Variants in PADI1 observed in about 807,000 individuals in gnomAD.
The protein encoded by PADI1 is peptidyl arginine deiminase 1.
A neutral mutation model predicts 74.8 loss-of-function variants in PADI1; 65 were observed. The ratio of observed to expected loss-of-function variants is 0.87; its 90% confidence interval spans 0.71 to 1.07. The LOEUF is 1.07. Among genes scored for constraint, PADI1 ranks in the 50% least tolerant of loss-of-function variants. The pLI is 0.00. For missense variants in PADI1, 943 were observed against 854.0 expected (o/e 1.10, Z -1.30); for synonymous variants, 371 against 336.2 (o/e 1.10, Z -1.13).
intron 4 of PADI1, among the ~76,000 whole-genome samples, chr1:17,225,482 C>T (rs985094157): frequency 2.0e-5 from 3 of 151,982 alleles, no homozygotes; most frequent in Non-Finnish European, 2.9e-5. Context: ...GCAGCCTCTG[C>T]CCACCCCCGC....
intron 1 of PADI1, among the ~76,000 whole-genome samples, chr1:17,207,389 T>C (rs1470832696): frequency 6.6e-6 from 1 of 152,214 alleles, no homozygotes; most frequent in Non-Finnish European, 1.5e-5. Flanking sequence ...TGGCTGGAGC[T>C]GCACTTCCGA....
At chr1:17,224,493 G>A (rs2072255069) in intron 4 of PADI1, 65 bp downstream of exon 4, 18 of 1,211,274 alleles carry the variant, frequency 1.5e-5, no homozygotes, top group East Asian at 4.9e-5. Flanking sequence ...GGTCCCGGGT[G>A]GATTGTGCCC....
chr1:17,225,957 G>A (rs528441261), intron 5 of PADI1, 29 bp downstream of exon 5: 1 of 1,612,050 alleles, frequency 6.2e-7, no homozygotes, highest in East Asian at 2.2e-5. Context: ...TGTCTGGGGA[G>A]TGGGGAAGGG....
At chr1:17,220,154 C>A (rs939671437) in intron 1 of PADI1, among the ~76,000 whole-genome samples, 2 of 37,706 alleles carry the variant, frequency 5.3e-5, no homozygotes, top group African/African-American at 2.5e-4. Flanking sequence ...GTCTTGCCAG[C>A]AGCCTGCAGG....
In PADI1 at chr1:17,244,714, T is replaced by C. The variant is rs1313717989; in HGVS notation, c.*471T>C. On this transcript the variant is annotated 3_prime_UTR_variant, in exon 16 of 16. Transcript: ENST00000375471. ...AAACTAGGAAAGGGGATCAGAAACA[T>C]CCTCTCCCCGCTCTAGGTTTCTTCT... 2.9e-6 allele frequency: 1 copy of C among 348,006 alleles called. No individual in the cohort carries two copies. Among genetic ancestry groups the C allele is most frequent in the African/African-American group, 2.1e-5 (1 of 46,526 alleles). 21.6% of individuals were successfully genotyped at this position (348,006 alleles called of 1,614,324 possible).
chr1:17,224,299 C>A lies in PADI1; in HGVS notation c.347-68C>A, dbSNP rs2100455695. ...TGGGGAGGGGTCAGAGTTTGCCCAA[C>A]CTGGACTTTAGGGGTGTGAAGATGG... On this transcript the variant is annotated intron_variant, in intron 3 of 15. Transcript: ENST00000375471. 4 of 1,426,192 alleles carry A rather than the reference C, an allele frequency of 2.8e-6. No individual in the cohort carries two copies. In the South Asian group the frequency reaches 4.7e-5, roughly 17 times the overall value. The allele number at this position is 1,426,192 out of a possible 1,614,324, so 88.3% of individuals were successfully genotyped here. A position where few individuals can be genotyped will look rare whatever the true frequency, so the allele number is the denominator to read the frequency against.
At chr1:17,227,562 TAAATAAATAA>T (rs771802362) in intron 6 of PADI1, among the ~76,000 whole-genome samples, 1 of 151,416 alleles carries the variant, frequency 6.6e-6, no homozygotes, top group South Asian at 2.1e-4. Context: ...AATAAATAAA[TAAATAAATAA>T]ATAAATAAAT....
At chr1:17,205,456 G>A in intron 1 of PADI1, 147 bp downstream of exon 1, 1 of 694,904 alleles carries the variant, frequency 1.4e-6, no homozygotes, top group East Asian at 2.8e-5. Context: ...GTGGAGTCTG[G>A]AAGGAAGGAA....
intron 1 of PADI1, among the ~76,000 whole-genome samples, chr1:17,211,508 A>G (rs1214983363): frequency 6.6e-6 from 1 of 152,174 alleles, no homozygotes; most frequent in Non-Finnish European, 1.5e-5. Flanking sequence ...AAACCTCACA[A>G]CAAGCCTGTG....
chr1:17,219,589 T>C (rs765609650), intron 1 of PADI1, among the ~76,000 whole-genome samples: 2 of 151,914 alleles, frequency 1.3e-5, no homozygotes, highest in African/African-American at 2.4e-5. Flanking sequence ...TACATCGCCA[T>C]TGAAGTATAA....
intron 1 of PADI1, among the ~76,000 whole-genome samples, chr1:17,212,322 G>T (rs539849017): frequency 5.3e-5 from 8 of 152,344 alleles, no homozygotes; most frequent in African/African-American, 1.9e-4. Flanking sequence ...GGCTCAGCCA[G>T]CAGTGCCTGC....
Position 17,244,072 on chromosome 1 carries a change from T to C in PADI1, c.1821T>C (p.Asn607=), listed in dbSNP as rs1427769570. 1.9e-6 allele frequency: 3 copies of C among 1,614,234 alleles called. No homozygotes were observed. Among genetic ancestry groups the C allele is most frequent in the South Asian group, 1.1e-5 (1 of 91,084 alleles). Reference sequence around the variant, plus strand: ...CCAAGCCCTACGGGCCCATCATCAATGGCCGCTGCTGCCTGGAGGAGAAGG... The same window carrying C: ...CCAAGCCCTACGGGCCCATCATCAACGGCCGCTGCTGCCTGGAGGAGAAGG... ...GIPKPYGPII[N]GRCCLEEKVQ... The change falls in exon 16 of 16, where the codon AAT becomes AAC. Residue 607 remains asparagine, a synonymous_variant. Transcript: ENST00000375471.
At chr1:17,212,726 G>A (rs986959826) in intron 1 of PADI1, among the ~76,000 whole-genome samples, 2 of 152,226 alleles carry the variant, frequency 1.3e-5, no homozygotes, top group Non-Finnish European at 2.9e-5. Flanking sequence ...GAGTGGGCAG[G>A]GGGCTGGCCG....
chr1:17,215,754 C>T (rs1421911601), intron 1 of PADI1, among the ~76,000 whole-genome samples: 3 of 152,182 alleles, frequency 2.0e-5, no homozygotes, highest in Non-Finnish European at 1.5e-5. Flanking sequence ...TGATTGTGCC[C>T]CTGGTTCATG....
At chr1:17,226,198 C>G (rs200362305) in intron 6 of PADI1, 40 bp downstream of exon 6, 250 of 1,600,762 alleles carry the variant, frequency 1.6e-4, no homozygotes, top group Non-Finnish European at 1.8e-4. Context: ...CAGCTCCATC[C>G]ATATCTATCC....
intron 14 of PADI1, 146 bp from the exon 15 acceptor site, chr1:17,240,489 C>A (rs1316922757): frequency 6.0e-6 from 5 of 831,010 alleles, no homozygotes; most frequent in Non-Finnish European, 9.3e-6. Context: ...CCCCGGACAG[C>A]AATGGTTTCT....
chr1:17,223,680 CCTCACTGGCGTCGGTAAGTAGCAG>C lies in PADI1; in HGVS notation c.337_346+14del, dbSNP rs762335416. ...AAGCTCTGGGCCGCAGCGTGCTTTA[CCTCACTGGCGTCGGTAAGTAGCAG>C]CTCCCTGGCTGCCCATCTATCCCTT... On this transcript the variant is annotated splice_donor_variant and splice_donor_5th_base_variant and coding_sequence_variant and intron_variant, in exon 3 of 16. Coordinates refer to ENST00000375471, the MANE Select transcript of PADI1 (RefSeq NM_013358.3). LOFTEE classifies it high-confidence loss of function. 3.1e-6 allele frequency: 5 copies of C among 1,614,052 alleles called. No individual in the cohort carries two copies. The South Asian group carries it at 4.4e-5, about 14-fold the overall frequency.
intron 1 of PADI1, among the ~76,000 whole-genome samples, chr1:17,215,426 C>G (rs1003415131): frequency 2.1e-5 from 3 of 143,132 alleles, no homozygotes; most frequent in African/African-American, 5.2e-5. Flanking sequence ...CATTTTCTAC[C>G]AAGACTCCAA....
At chr1:17,238,975 C>T (rs569751907) in intron 13 of PADI1, among the ~76,000 whole-genome samples, 1 of 152,226 alleles carries the variant, frequency 6.6e-6, no homozygotes, top group Non-Finnish European at 1.5e-5. Context: ...TCTCTCTCCC[C>T]TCTTCCTTAT....
Sources: gnomAD v4.1 joint callset for allele counts (sites outside exome capture counted in the v4.1 genomes callset) on GRCh38, gnomAD v4.1.1 for gene constraint, MANE v1.5 for transcripts, NCBI Gene and HGNC (gene_info 2026-07-23, HGNC 2026-07-21) for gene names.